The following ZNF451 variants were observed in gnomAD, a reference collection of about 807,000 sequenced individuals.
The protein encoded by ZNF451 is E3 SUMO-protein ligase ZNF451.
ZNF451 carries 80 observed loss-of-function variants against 107.1 expected under a neutral mutation model. The observed-to-expected ratio is 0.75, with a 90% confidence interval of 0.62 to 0.90. ZNF451 has a LOEUF of 0.90. Ranked by LOEUF, ZNF451 falls within the 40% of genes least tolerant of loss-of-function variation. ZNF451 has a pLI of 0.00. For synonymous variants in ZNF451, 362 were observed against 406.5 expected (o/e 0.89, Z 1.32); for missense variants, 1,107 against 1,236.2 (o/e 0.90, Z 1.57).
intron 7 of ZNF451, among the ~76,000 whole-genome samples, chr6:57,138,556 C>T (rs1431170052): frequency 6.6e-6 from 1 of 151,092 alleles, no homozygotes; most frequent in East Asian, 1.9e-4. Context: ...GCCATCATGC[C>T]CAGCCCTACT....
rs1218717691 is a variant in ZNF451, at chr6:57,160,459, A to G, written c.3071-625A>G. On this transcript the variant is annotated intron_variant, in intron 13 of 14. Coordinates refer to ENST00000370706, the MANE Select transcript of ZNF451 (RefSeq NM_001031623.3). The stretch of plus-strand genomic sequence containing the variant: ...AGCGATCTTCCTACCTCAGCCTCCC[A>G]AGTAGCTGGGACTATAGGTGCGCAC... Among the ~76,000 whole-genome samples the G allele has an allele frequency of 2.6e-5, 4 of 151,804 alleles. No homozygotes were observed. In the East Asian group the frequency reaches 7.7e-4, roughly 29 times the overall value.
At chr6:57,103,796 T>C (rs1028713082) in intron 3 of ZNF451, 1 of 985,238 alleles carries the variant, frequency 1.0e-6, no homozygotes, top group Admixed American at 6.2e-5. Flanking sequence ...ACAGTGGTAA[T>C]TGATGTTTTC....
At chr6:57,100,827 T>G in intron 3 of ZNF451, 1 of 1,548,166 alleles carries the variant, frequency 6.5e-7, no homozygotes. Flanking sequence ...CAGAGACCCT[T>G]AAATCATCAC....
chr6:57,142,607 ATAGT>A (rs1831826522), intron 9 of ZNF451, among the ~76,000 whole-genome samples: 1 of 152,124 alleles, frequency 6.6e-6, no homozygotes, highest in African/African-American at 2.4e-5. Context: ...TTGTTGATAG[ATAGT>A]TGGGTTGTTT....
intron 7 of ZNF451, among the ~76,000 whole-genome samples, chr6:57,136,759 G>C (rs571974468): frequency 1.3e-5 from 2 of 151,900 alleles, no homozygotes; most frequent in Non-Finnish European, 2.9e-5. Flanking sequence ...AATTTGAGTA[G>C]GTAGTTTAAA....
chr6:57,167,125 G>T (rs1449223443), intron 14 of ZNF451, among the ~76,000 whole-genome samples: 1 of 151,830 alleles, frequency 6.6e-6, no homozygotes, highest in African/African-American at 2.4e-5. Flanking sequence ...TTGAATTTTA[G>T]TTCAAAGATT....
chr6:57,101,679 A>T, intron 3 of ZNF451: 1 of 1,550,704 alleles, frequency 6.4e-7, no homozygotes, highest in East Asian at 2.4e-5. Flanking sequence ...GAAAAGCAAG[A>T]TGCATAATAT....
chr6:57,163,674 TCTC>T (rs1763780192), intron 14 of ZNF451, among the ~76,000 whole-genome samples: 1 of 151,510 alleles, frequency 6.6e-6, no homozygotes, highest in South Asian at 2.1e-4. Context: ...ATGGTCTCGA[TCTC>T]CTGACCTCGT....
intron 7 of ZNF451, among the ~76,000 whole-genome samples, chr6:57,138,523 A>G (rs1831552817): frequency 1.3e-5 from 2 of 151,028 alleles, no homozygotes; most frequent in South Asian, 4.2e-4. Context: ...CAGCCTCCCA[A>G]AGTGCTGGGA....
At chr6:57,116,816 A>G (rs1054249900) in intron 3 of ZNF451, 1 of 152,122 alleles carries the variant, frequency 6.6e-6, no homozygotes, top group South Asian at 2.1e-4. Context: ...AGAAGAAAAT[A>G]GAACCAGGCA....
At position 57,147,472 on chromosome 6, in the gene ZNF451, C is replaced by G; in HGVS notation, c.1387C>G (p.Gln463Glu). The G allele has an allele frequency of 6.2e-7, 1 of 1,613,972 alleles. No individual in the cohort carries two copies. Among genetic ancestry groups the G allele is most frequent in the Non-Finnish European group, 8.5e-7 (1 of 1,179,954 alleles). The change falls in exon 10 of 15, where the codon CAG becomes GAG. Residue 463 changes from glutamine (Q) to glutamate (E), a missense_variant. By Grantham distance (29) the Gln-to-Glu change is conservative (BLOSUM62 2). Around this residue, in one of 5 missense-constraint regions of ZNF451, gnomAD observed 608 missense variants for 649.2 expected, o/e 0.94. Coordinates refer to ENST00000370706, the MANE Select transcript of ZNF451 (RefSeq NM_001031623.3). ...AAGCCATGAAGGTGTTGCTTGTGTC[C>G]AGAAAGAAAAATCAGTAGTTAAAAC... ...DKSHEGVACV[Q>E]KEKSVVKTWF...
chr6:57,169,501 A>C lies in ZNF451; in HGVS notation c.*1032A>C, dbSNP rs1764040517. On this transcript the variant is annotated 3_prime_UTR_variant, in exon 15 of 15. Transcript: ENST00000370706. ...TTTGTGTATATGCTTCATGTTATTT[A>C]ACCAGAAATGTCTTATCTCTAAAAA... is the stretch of plus-strand genomic sequence containing the variant. The C allele has an allele frequency of 6.6e-6, 1 of 152,122 alleles. No individual in the cohort carries two copies. Among genetic ancestry groups the C allele is most frequent in the Non-Finnish European group, 1.5e-5 (1 of 68,008 alleles). 9.4% of individuals were successfully genotyped at this position (152,122 alleles called of 1,614,324 possible).
At chr6:57,153,770 T>A in intron 12 of ZNF451, 91 bp from the exon 13 acceptor site, 2 of 1,314,644 alleles carry the variant, frequency 1.5e-6, no homozygotes, top group Admixed American at 3.6e-5. Context: ...TAATATACCT[T>A]CCTAGGCATG....
At chr6:57,105,525 C>G (rs183009752) in intron 3 of ZNF451, 7 of 985,276 alleles carry the variant, frequency 7.1e-6, no homozygotes, top group Non-Finnish European at 2.4e-6. Context: ...TAAATGTACT[C>G]CCTTCTGAAT....
intron 3 of ZNF451, chr6:57,105,480 A>G (rs2127944136): frequency 1.0e-6 from 1 of 985,306 alleles, no homozygotes; most frequent in Non-Finnish European, 1.2e-6. Flanking sequence ...CAGTGATTTA[A>G]TCTTGTAGTT....
chr6:57,109,806 G>A, intron 3 of ZNF451: 6 of 731,444 alleles, frequency 8.2e-6, no homozygotes, highest in Non-Finnish European at 1.0e-5. Context: ...ATATGTATGT[G>A]TATACAATTT....
intron 3 of ZNF451, chr6:57,103,831 C>T: frequency 1.0e-6 from 1 of 985,312 alleles, no homozygotes; most frequent in Middle Eastern, 5.2e-4. Context: ...TTTTAATAAT[C>T]TATTGGAAGC....
intron 3 of ZNF451, chr6:57,108,478 TAAA>T (rs1178483083): frequency 1.0e-6 from 1 of 985,256 alleles, no homozygotes; most frequent in African/African-American, 1.7e-5. Flanking sequence ...GATGATGAAA[TAAA>T]AACGTTTCCC....
At chr6:57,150,657 TGAAATC>T in intron 10 of ZNF451, 56 bp from the exon 11 acceptor site, 1 of 1,513,234 alleles carries the variant, frequency 6.6e-7, no homozygotes, top group Non-Finnish European at 8.9e-7. Context: ...TTTTTGGACT[TGAAATC>T]AGAATGATTT....
Sources: gnomAD v4.1 joint callset for allele counts (sites outside exome capture counted in the v4.1 genomes callset) on GRCh38, gnomAD v4.1.1 for gene constraint, gnomAD v4.1.1 regional missense constraint, MANE v1.5 for transcripts, NCBI Gene and HGNC (gene_info 2026-07-23, HGNC 2026-07-21) for gene names.